Variants in BMPR2 observed in about 807,000 individuals in gnomAD.
BMPR2 encodes the protein bone morphogenetic protein receptor type-2.
Under a neutral mutation model 100.8 loss-of-function variants are expected in BMPR2, and 29 were observed. That is an observed-to-expected ratio of 0.29 (90% CI 0.21 to 0.39). The LOEUF (loss-of-function observed/expected upper bound fraction) is 0.39, where lower values mean the gene tolerates loss of function less well. Among genes scored for constraint, BMPR2 ranks in the 10% least tolerant of loss-of-function variants. BMPR2 has a pLI of 1.00. For synonymous variants in BMPR2, 382 were observed against 442.3 expected, an observed-to-expected ratio of 0.86 and a Z score of 1.71; for missense variants, 1,011 against 1,274.5, an observed-to-expected ratio of 0.79 and a Z score of 3.15.
chr2:202,449,703 C>G (rs1691938939), intron 1 of BMPR2, among the ~76,000 whole-genome samples: 2 of 152,228 alleles, frequency 1.3e-5, no homozygotes, highest in African/African-American at 4.8e-5. Flanking sequence ...CCCTATGTAA[C>G]TCCACGGAAC....
At chr2:202,484,692 C>T (rs984899091) in intron 3 of BMPR2, among the ~76,000 whole-genome samples, 4 of 143,238 alleles carry the variant, frequency 2.8e-5, no homozygotes, top group African/African-American at 7.8e-5. Flanking sequence ...AAAGGCTGGG[C>T]GCGGTGGCTC....
At chr2:202,401,299 G>A (rs1453315854) in intron 1 of BMPR2, among the ~76,000 whole-genome samples, 1 of 152,166 alleles carries the variant, frequency 6.6e-6, no homozygotes, top group Non-Finnish European at 1.5e-5. Flanking sequence ...GGTTCTAAGA[G>A]TGAATTTAAA....
intron 1 of BMPR2, among the ~76,000 whole-genome samples, chr2:202,439,837 G>A (rs575489954): frequency 6.7e-6 from 1 of 149,638 alleles, no homozygotes; most frequent in South Asian, 2.1e-4. Flanking sequence ...GTGGAGGGAA[G>A]GTCAGCAGAT....
At chr2:202,484,968 CAAAAAAAAAAA>C (rs747890922) in intron 3 of BMPR2, among the ~76,000 whole-genome samples, 5 of 59,864 alleles carry the variant, frequency 8.4e-5, no homozygotes, top group East Asian at 5.6e-4. Context: ...GACTCCGTCT[CAAAAAAAAAAA>C]AAAAAAAAAG....
intron 3 of BMPR2, among the ~76,000 whole-genome samples, chr2:202,472,990 T>C (rs1692466797): frequency 6.6e-6 from 1 of 152,214 alleles, no homozygotes; most frequent in Non-Finnish European, 1.5e-5. Flanking sequence ...ATATCAAATG[T>C]CAGACATTTA....
intron 1 of BMPR2, among the ~76,000 whole-genome samples, chr2:202,458,411 A>C (rs1403132676): frequency 1.3e-5 from 2 of 151,848 alleles, no homozygotes; most frequent in East Asian, 1.9e-4. Flanking sequence ...CGGAGGTTGC[A>C]GTGAGCCAAG....
chr2:202,488,597 C>CT (rs1477465040), intron 3 of BMPR2, among the ~76,000 whole-genome samples: 1 of 151,656 alleles, frequency 6.6e-6, no homozygotes, highest in African/African-American at 2.4e-5. Flanking sequence ...TAGCTAGAAT[C>CT]TTTTTTTTAA....
intron 1 of BMPR2, among the ~76,000 whole-genome samples, chr2:202,402,601 T>C (rs911075923): frequency 3.4e-5 from 5 of 149,080 alleles, no homozygotes; most frequent in Non-Finnish European, 7.4e-5. Flanking sequence ...AGCCTTTCCA[T>C]TTTTTTTTTC....
intron 9 of BMPR2, among the ~76,000 whole-genome samples, chr2:202,533,829 A>G (rs1688073252): frequency 6.6e-6 from 1 of 152,222 alleles, no homozygotes; most frequent in African/African-American, 2.4e-5. Context: ...TCTCAAAAAA[A>G]GGGAAAGAAT....
At chr2:202,445,193 G>A (rs1337112480) in intron 1 of BMPR2, among the ~76,000 whole-genome samples, 1 of 150,370 alleles carries the variant, frequency 6.7e-6, no homozygotes, top group Non-Finnish European at 1.5e-5. Flanking sequence ...AGTCCCACAA[G>A]ATATGCAAAC....
chr2:202,509,177 G>A (rs901589142), intron 3 of BMPR2, among the ~76,000 whole-genome samples: 3 of 151,944 alleles, frequency 2.0e-5, no homozygotes, highest in Admixed American at 6.6e-5. Context: ...ATAGTTGGTC[G>A]TAGTTTAAGC....
At chr2:202,497,147 C>T (rs550197344) in intron 3 of BMPR2, among the ~76,000 whole-genome samples, 169 of 152,320 alleles carry the variant, frequency 1.1e-3, no homozygotes, top group African/African-American at 3.8e-3. Flanking sequence ...TGCCTTCCCG[C>T]GGGGCAGGGC....
At chr2:202,520,306 G>T (rs1240653066) in intron 7 of BMPR2, 105 bp downstream of exon 7, 2 of 806,808 alleles carry the variant, frequency 2.5e-6, no homozygotes, top group Non-Finnish European at 4.1e-6. Context: ...TATTATTGGA[G>T]ATTTATTATT....
intron 3 of BMPR2, 146 bp from the exon 4 acceptor site, chr2:202,513,573 C>T (rs1473431600): frequency 3.3e-6 from 2 of 597,754 alleles, no homozygotes; most frequent in Admixed American, 5.8e-5. Context: ...ACATTTATTA[C>T]TAATTTTTTC....
intron 1 of BMPR2, among the ~76,000 whole-genome samples, chr2:202,381,429 G>C (rs1054869046): frequency 6.6e-6 from 1 of 152,156 alleles, no homozygotes; most frequent in African/African-American, 2.4e-5. Flanking sequence ...TCTGGGGGAG[G>C]CTTGTGTCAT....
chr2:202,501,327 C>G (rs1687386191), intron 3 of BMPR2, among the ~76,000 whole-genome samples: 1 of 152,288 alleles, frequency 6.6e-6, no homozygotes, highest in South Asian at 2.1e-4. Context: ...AGCGAGATAG[C>G]CAGGCTCCTC....
In BMPR2 at chr2:202,421,257, A is replaced by G. The variant is rs1233710514; in HGVS notation, c.77-43552A>G. ...CAGAGTGAGACTTCATCTCAAAAAA[A>G]GGGAGAAATTATATTGAGGCCAGCC... On this transcript the variant is annotated intron_variant, in intron 1 of 12. Transcript: ENST00000374580. Among the ~76,000 whole-genome samples, 4 of 150,338 alleles carry G rather than the reference A, an allele frequency of 2.7e-5. No homozygotes were observed. The East Asian group carries it at 8.0e-4, about 30-fold the overall frequency.
At chr2:202,494,927 C>A (rs1369949647) in intron 3 of BMPR2, among the ~76,000 whole-genome samples, 1 of 152,062 alleles carries the variant, frequency 6.6e-6, no homozygotes, top group Non-Finnish European at 1.5e-5. Flanking sequence ...GGGAAAAGTT[C>A]CCTTGTCCTG....
intron 1 of BMPR2, among the ~76,000 whole-genome samples, chr2:202,429,689 C>T (rs1559035903): frequency 6.6e-6 from 1 of 152,148 alleles, no homozygotes; most frequent in African/African-American, 2.4e-5. Context: ...TTAATTGACT[C>T]ACAGTTCCAC....
Sources: allele counts gnomAD v4.1 joint callset (sites outside exome capture counted in the v4.1 genomes callset), GRCh38; gene constraint gnomAD v4.1.1; transcripts MANE v1.5; gene names NCBI Gene and HGNC (gene_info 2026-07-23, HGNC 2026-07-21).